The following TNNI3K variants were observed in gnomAD, a reference collection of about 807,000 sequenced individuals.
TNNI3K encodes TNNI3 interacting kinase, also known as serine/threonine-protein kinase TNNI3K.
In TNNI3K, 140 loss-of-function variants were observed where a neutral mutation model predicts 114.5. That is an observed-to-expected ratio of 1.22 (90% CI 1.07 to 1.41). The LOEUF (loss-of-function observed/expected upper bound fraction) is 1.41. TNNI3K is among the 40% of genes most tolerant of loss of function. TNNI3K has a pLI of 0.00. For missense variants in TNNI3K, 1,125 were observed against 1,007.6 expected (o/e 1.12, Z -1.58); for synonymous variants, 347 against 347.5 (o/e 1.00, Z 0.02).
intron 21 of TNNI3K, among the ~76,000 whole-genome samples, chr1:74,486,826 G>T (rs757872418): frequency 3.3e-5 from 5 of 152,014 alleles, no homozygotes; most frequent in African/African-American, 4.8e-5. Flanking sequence ...TAAGAAAATG[G>T]TGTCCTCAAA....
intron 17 of TNNI3K, among the ~76,000 whole-genome samples, chr1:74,381,212 A>G (rs1663187277): frequency 6.6e-6 from 1 of 152,140 alleles, no homozygotes; most frequent in Non-Finnish European, 1.5e-5. Flanking sequence ...CCACAGGAGA[A>G]CTAATTGACG....
chr1:74,287,554 A>G (rs192094694), intron 5 of TNNI3K, among the ~76,000 whole-genome samples: 2 of 152,282 alleles, frequency 1.3e-5, no homozygotes, highest in Non-Finnish European at 2.9e-5. Flanking sequence ...CATTCTCTTC[A>G]ATAAATGATA....
At chr1:74,520,580 T>C (rs1000847672) in intron 23 of TNNI3K, among the ~76,000 whole-genome samples, 8 of 152,108 alleles carry the variant, frequency 5.3e-5, no homozygotes, top group South Asian at 4.1e-4. Flanking sequence ...TCCAAAATTT[T>C]TGGCAAAACA....
chr1:74,523,539 C>T (rs1037111250), intron 23 of TNNI3K, among the ~76,000 whole-genome samples: 21 of 152,196 alleles, frequency 1.4e-4, no homozygotes, highest in East Asian at 1.9e-4. Flanking sequence ...AAGTTATAGG[C>T]TATGCCTGGC....
At chr1:74,462,023 T>C (rs1270425767) in intron 20 of TNNI3K, among the ~76,000 whole-genome samples, 1 of 152,246 alleles carries the variant, frequency 6.6e-6, no homozygotes, top group Non-Finnish European at 1.5e-5. Flanking sequence ...TACATAATTG[T>C]ATATTGACAT....
chr1:74,290,790 A>G (rs76525856), intron 5 of TNNI3K, among the ~76,000 whole-genome samples: 1,761 of 151,826 alleles, frequency 0.012, 23 homozygotes, highest in Admixed American at 0.043. Flanking sequence ...ATTAATGGCT[A>G]CACACCTCTC....
At chr1:74,339,882 TTAA>T (rs1419615246) in intron 7 of TNNI3K, among the ~76,000 whole-genome samples, 2 of 152,116 alleles carry the variant, frequency 1.3e-5, no homozygotes, top group East Asian at 1.9e-4. Flanking sequence ...AAATTTAGAA[TTAA>T]TAATTTCTGT....
chr1:74,408,986 A>G (rs1039645560), intron 17 of TNNI3K, among the ~76,000 whole-genome samples: 1 of 143,082 alleles, frequency 7.0e-6, no homozygotes, highest in Non-Finnish European at 1.5e-5. Context: ...TAATGCCTCC[A>G]TATAACAAAA....
In TNNI3K at chr1:74,250,449, G is replaced by A. The variant is rs189167587; in HGVS notation, c.236-223G>A. Among the ~76,000 whole-genome samples, 419 of 150,550 alleles carry A rather than the reference G, an allele frequency of 2.8e-3. 4 individuals are homozygous for A. Among genetic ancestry groups the A allele is most frequent in the African/African-American group, 9.9e-3 (396 of 39,932 alleles). On this transcript the variant is annotated intron_variant, in intron 3 of 24. Coordinates refer to ENST00000326637, the MANE Select transcript of TNNI3K (RefSeq NM_015978.3). ...TGAGGGTACTAAATAAAAAATCTAA[G>A]ACAGAGTCAAAATACACAGCATTTG...
chr1:74,412,387 G>A (rs925528238), intron 17 of TNNI3K, among the ~76,000 whole-genome samples: 4 of 152,022 alleles, frequency 2.6e-5, no homozygotes, highest in African/African-American at 7.3e-5. Context: ...CAGCAAACAC[G>A]ACACAAGCAG....
chr1:74,369,264 GGTAAGCAA>G lies in TNNI3K; in HGVS notation c.1472+2_1472+9del. On this transcript the variant is annotated splice_donor_variant and splice_donor_5th_base_variant and intron_variant, in intron 15 of 24. Coordinates refer to ENST00000326637, the MANE Select transcript of TNNI3K (RefSeq NM_015978.3). LOFTEE classifies it high-confidence loss of function. ...AGAAATAAAATAGTGGCTATAAAAC[GGTAAGCAA>G]GCAAATGAAAAAATTTAACATCCAG... 1.2e-6 allele frequency: 2 copies of G among 1,611,866 alleles called. No homozygotes were observed. The highest frequency in any genetic ancestry group is 1.7e-6 in the Non-Finnish European group (2 of 1,178,946).
At chr1:74,366,119 A>G (rs78164420) in intron 11 of TNNI3K, among the ~76,000 whole-genome samples, 328 of 152,148 alleles carry the variant, frequency 2.2e-3, no homozygotes, top group African/African-American at 7.3e-3. Context: ...TATACTCTCT[A>G]CATAAGCTAG....
intron 5 of TNNI3K, among the ~76,000 whole-genome samples, chr1:74,291,747 G>C (rs1290970093): frequency 6.6e-6 from 1 of 151,354 alleles, no homozygotes; most frequent in African/African-American, 2.4e-5. Context: ...ATTTCATAAA[G>C]ATATTTTAAA....
chr1:74,463,544 T>C lies in TNNI3K; in HGVS notation c.2115T>C (p.Cys705=). 6.2e-7 allele frequency: 1 copy of C among 1,614,182 alleles called. No homozygotes were observed. The highest frequency in any genetic ancestry group is 8.5e-7 in the Non-Finnish European group (1 of 1,180,020). The change falls in exon 21 of 25, where the codon TGT becomes TGC. Residue 705 remains cysteine (C), a synonymous_variant. Transcript: ENST00000326637. ...TGCTGATACGAGGGTGGAACGCATG[T>C]CCTGAAGTGAGTAATTTTTATTTCC... is the stretch of plus-strand genomic sequence containing the variant. ...SSLLIRGWNA[C]PEGRPEFSEV...
At chr1:74,519,783 A>C (rs1646404262) in intron 23 of TNNI3K, among the ~76,000 whole-genome samples, 1 of 152,176 alleles carries the variant, frequency 6.6e-6, no homozygotes. Flanking sequence ...TGTTATAGTC[A>C]AGCCAAAGCT....
chr1:74,290,959 C>T (rs1033473998), intron 5 of TNNI3K, among the ~76,000 whole-genome samples: 1 of 151,754 alleles, frequency 6.6e-6, no homozygotes, highest in African/African-American at 2.4e-5. Context: ...TCTAAGTGTG[C>T]ACCATGTTCT....
chr1:74,519,485 T>G (rs1570734069), intron 23 of TNNI3K, among the ~76,000 whole-genome samples: 1 of 125,364 alleles, frequency 8.0e-6, no homozygotes, highest in South Asian at 2.5e-4. Flanking sequence ...TTGAACTAGT[T>G]TACAGTCCCA....
intron 23 of TNNI3K, among the ~76,000 whole-genome samples, chr1:74,500,476 C>T (rs1419185366): frequency 2.0e-5 from 3 of 150,084 alleles, no homozygotes; most frequent in African/African-American, 7.3e-5. Context: ...TAGTGGCGGG[C>T]GCCTGTAGTC....
intron 20 of TNNI3K, among the ~76,000 whole-genome samples, chr1:74,450,555 A>T (rs988997239): frequency 1.3e-5 from 2 of 152,166 alleles, no homozygotes; most frequent in Non-Finnish European, 2.9e-5. Flanking sequence ...ACAAATTTAC[A>T]TGAAAAAAAA....
Sources: gnomAD v4.1 joint callset for allele counts (sites outside exome capture counted in the v4.1 genomes callset) on GRCh38, gnomAD v4.1.1 for gene constraint, MANE v1.5 for transcripts, NCBI Gene and HGNC (gene_info 2026-07-23, HGNC 2026-07-21) for gene names.